The following PSD3 variants were observed in gnomAD, a reference collection of about 807,000 sequenced individuals.
The protein encoded by PSD3 is PH and SEC7 domain-containing protein 3.
A neutral mutation model predicts 105.5 loss-of-function variants in PSD3; 49 were observed. The ratio of observed to expected loss-of-function variants is 0.46; its 90% CI spans 0.37 to 0.59. PSD3 has a LOEUF of 0.59. PSD3 is among the 20% of genes least tolerant of loss of function. The pLI, the probability that PSD3 is intolerant of heterozygous loss-of-function variation, is 0.00. For missense variants in PSD3, 1,561 were observed against 1,263.8 expected (o/e 1.24, Z -3.57); for synonymous variants, 557 against 457.8 (o/e 1.22, Z -2.77).
chr8:18,737,169 G>C (rs1563211322), intron 9 of PSD3, among the ~76,000 whole-genome samples: 2 of 152,152 alleles, frequency 1.3e-5, no homozygotes, highest in African/African-American at 4.8e-5. Context: ...TTGCTGGTTT[G>C]TTTTCTTTAG....
At chr8:19,066,319 G>T (rs927110844) in intron 1 of PSD3, among the ~76,000 whole-genome samples, 92 of 152,258 alleles carry the variant, frequency 6.0e-4, no homozygotes, top group African/African-American at 2.0e-3. Context: ...TTTCTTTAAA[G>T]AAATTTTAAT....
At chr8:18,552,218 G>T (rs1481419337) in intron 15 of PSD3, among the ~76,000 whole-genome samples, 2 of 152,100 alleles carry the variant, frequency 1.3e-5, no homozygotes, top group African/African-American at 4.8e-5. Flanking sequence ...ATCTCTTGTA[G>T]CCCAGTCATG....
intron 9 of PSD3, among the ~76,000 whole-genome samples, chr8:18,681,342 C>A (rs1800375658): frequency 6.6e-6 from 1 of 150,962 alleles, no homozygotes; most frequent in Non-Finnish European, 1.5e-5. Flanking sequence ...TGCAGTAGCT[C>A]GTGCCTATCA....
intron 4 of PSD3, among the ~76,000 whole-genome samples, chr8:18,819,575 A>ATTTT (rs746931460): frequency 0.072 from 7,954 of 110,636 alleles, 693 homozygotes; most frequent in South Asian, 0.14. Flanking sequence ...ATTAGAATGG[A>ATTTT]TTTTTTTTTT....
At chr8:18,633,003 G>A (rs1440838268) in intron 10 of PSD3, among the ~76,000 whole-genome samples, 197 bp from the exon 11 acceptor site, 7 of 151,966 alleles carry the variant, frequency 4.6e-5, no homozygotes, top group Non-Finnish European at 7.4e-5. Context: ...TATCTTATAA[G>A]ACTGATATTA....
At chr8:18,666,242 G>A (rs1472149080) in intron 9 of PSD3, among the ~76,000 whole-genome samples, 2 of 152,140 alleles carry the variant, frequency 1.3e-5, no homozygotes, top group East Asian at 1.9e-4. Context: ...GTAGAGACAG[G>A]GTTTCGCCAT....
At chr8:18,736,094 C>A (rs896741860) in intron 9 of PSD3, among the ~76,000 whole-genome samples, 2 of 152,142 alleles carry the variant, frequency 1.3e-5, no homozygotes, top group Non-Finnish European at 2.9e-5. Context: ...AACTTGAGCA[C>A]ATCTCCTATG....
At chr8:18,709,682 T>C (rs760094972) in intron 9 of PSD3, among the ~76,000 whole-genome samples, 1 of 152,176 alleles carries the variant, frequency 6.6e-6, no homozygotes, top group South Asian at 2.1e-4. Flanking sequence ...CCCCTGGTGA[T>C]ACCTCCAGGT....
intron 1 of PSD3, among the ~76,000 whole-genome samples, chr8:18,991,038 T>C (rs1467191494): frequency 1.3e-5 from 2 of 151,994 alleles, no homozygotes; most frequent in Non-Finnish European, 2.9e-5. Context: ...GTGAAATACA[T>C]AACTGGGGTA....
intron 9 of PSD3, among the ~76,000 whole-genome samples, chr8:18,678,881 C>T (rs531959607): frequency 6.6e-6 from 1 of 152,186 alleles, no homozygotes; most frequent in South Asian, 2.1e-4. Context: ...TTTGGTACAA[C>T]CCTAATTTAT....
At chr8:18,578,406 T>G (rs547578284) in intron 12 of PSD3, among the ~76,000 whole-genome samples, 4 of 152,272 alleles carry the variant, frequency 2.6e-5, no homozygotes, top group Admixed American at 2.6e-4. Flanking sequence ...TACATCTCCA[T>G]GATTTGTGAA....
chr8:18,587,644 T>C lies in PSD3; in HGVS notation c.2482-12359A>G, dbSNP rs1292777408. 4.6e-5 allele frequency among the ~76,000 whole-genome samples: 7 copies of C among 152,206 alleles called. No individual in the cohort carries two copies. The East Asian group carries it at 1.2e-3, about 25-fold the overall frequency. Reference sequence around the variant, plus strand: ...GTTAATTCCTCAGGGAGGCATCTTCTGACCTTTGCAAGTATGCTTAGGGGG... The same window carrying C: ...GTTAATTCCTCAGGGAGGCATCTTCCGACCTTTGCAAGTATGCTTAGGGGG... On this transcript the variant is annotated intron_variant, in intron 12 of 15. Coordinates refer to ENST00000327040, the MANE Select transcript of PSD3 (RefSeq NM_015310.4).
intron 4 of PSD3, among the ~76,000 whole-genome samples, chr8:18,863,917 G>C (rs755989563): frequency 6.6e-6 from 1 of 152,068 alleles, no homozygotes; most frequent in Non-Finnish European, 1.5e-5. Flanking sequence ...CTGAGAGAAG[G>C]AACTAAGTGC....
chr8:18,647,310 G>A (rs1419485044), intron 10 of PSD3, among the ~76,000 whole-genome samples: 1 of 152,158 alleles, frequency 6.6e-6, no homozygotes, highest in Non-Finnish European at 1.5e-5. Flanking sequence ...AGATATCAAT[G>A]TGCTACCACC....
At chr8:18,663,681 A>G (rs1386108345) in intron 9 of PSD3, among the ~76,000 whole-genome samples, 3 of 152,222 alleles carry the variant, frequency 2.0e-5, no homozygotes, top group Non-Finnish European at 4.4e-5. Context: ...GCTAGTATGA[A>G]TAACACTATT....
chr8:18,624,707 A>G (rs1563392522), intron 11 of PSD3, among the ~76,000 whole-genome samples: 2 of 150,504 alleles, frequency 1.3e-5, no homozygotes, highest in African/African-American at 4.9e-5. Flanking sequence ...ATAAAAGAAA[A>G]AATAATGAAA....
intron 14 of PSD3, among the ~76,000 whole-genome samples, chr8:18,566,116 T>A (rs969871365): frequency 3.9e-5 from 6 of 152,170 alleles, no homozygotes; most frequent in African/African-American, 1.4e-4. Flanking sequence ...CCCAAGAGCC[T>A]CAGGTGCTAC....
intron 9 of PSD3, among the ~76,000 whole-genome samples, chr8:18,759,011 G>A (rs1806286203): frequency 6.6e-6 from 1 of 151,600 alleles, no homozygotes; most frequent in Non-Finnish European, 1.5e-5. Flanking sequence ...TCCATTCATG[G>A]AGTGAAGCTT....
intron 4 of PSD3, among the ~76,000 whole-genome samples, chr8:18,806,888 T>C (rs1165457670): frequency 2.0e-5 from 3 of 152,190 alleles, no homozygotes; most frequent in Non-Finnish European, 4.4e-5. Flanking sequence ...AAAGAAGGCA[T>C]TATCAATAAA....
Sources: allele counts gnomAD v4.1 joint callset (sites outside exome capture counted in the v4.1 genomes callset), GRCh38; gene constraint gnomAD v4.1.1; transcripts MANE v1.5; gene names NCBI Gene and HGNC (gene_info 2026-07-23, HGNC 2026-07-21).